BBS9: variants seen among roughly 807,000 people sequenced by gnomAD.
BBS9 encodes Bardet-Biedl syndrome 9.
A neutral mutation model predicts 117.7 loss-of-function variants in BBS9; 89 were observed. The observed-to-expected ratio is 0.76, with a 90% CI of 0.64 to 0.90. The LOEUF (loss-of-function observed/expected upper bound fraction) is 0.90, where lower values mean the gene tolerates loss of function less well. Among genes scored for constraint, BBS9 ranks in the 40% least tolerant of loss-of-function variants. BBS9 has a pLI of 0.00. For missense variants in BBS9, 982 were observed against 1,042.2 expected (o/e 0.94, Z 0.80); for synonymous variants, 379 against 370.9 (o/e 1.02, Z -0.25).
At chr7:33,148,309 C>G (rs1285863135) in intron 2 of BBS9, among the ~76,000 whole-genome samples, 1 of 152,014 alleles carries the variant, frequency 6.6e-6, no homozygotes, top group Non-Finnish European at 1.5e-5. Context: ...GGACTGTAAC[C>G]TGGAGAATAT....
chr7:33,493,825 A>T (rs929783861), intron 19 of BBS9, among the ~76,000 whole-genome samples: 1 of 152,314 alleles, frequency 6.6e-6, no homozygotes, highest in African/African-American at 2.4e-5. Flanking sequence ...TACCCTGTTC[A>T]TGCAGAGGAG....
intron 20 of BBS9, among the ~76,000 whole-genome samples, chr7:33,520,012 T>C (rs1440581506): frequency 7.9e-6 from 1 of 126,550 alleles, no homozygotes; most frequent in Non-Finnish European, 1.6e-5. Flanking sequence ...CTGAAATAGG[T>C]TTTTTTTTTT....
chr7:33,553,532 GTTA>G (rs1221409026), intron 21 of BBS9, among the ~76,000 whole-genome samples: 1 of 152,022 alleles, frequency 6.6e-6, no homozygotes, highest in Non-Finnish European at 1.5e-5. Flanking sequence ...GACTCTTCAT[GTTA>G]TTATATTAAC....
At chr7:33,424,588 TC>T (rs1833370614) in intron 19 of BBS9, among the ~76,000 whole-genome samples, 1 of 152,196 alleles carries the variant, frequency 6.6e-6, no homozygotes, top group Non-Finnish European at 1.5e-5. Flanking sequence ...TTAAAAAAGT[TC>T]CTGTTACCAG....
At chr7:33,611,490 ATAT>A (rs1262841463) in intron 21 of BBS9, among the ~76,000 whole-genome samples, 20 of 142,560 alleles carry the variant, frequency 1.4e-4, no homozygotes, top group Non-Finnish European at 2.6e-4. Context: ...TAATAATGTA[ATAT>A]TATATATAAG....
intron 21 of BBS9, among the ~76,000 whole-genome samples, chr7:33,581,048 C>A (rs1859790411): frequency 6.6e-6 from 1 of 151,468 alleles, no homozygotes; most frequent in Non-Finnish European, 1.5e-5. Context: ...CTACCACTTA[C>A]CGAAAGGTGT....
At chr7:33,168,962 C>G (rs980621779) in intron 4 of BBS9, among the ~76,000 whole-genome samples, 4 of 151,332 alleles carry the variant, frequency 2.6e-5, no homozygotes, top group African/African-American at 9.7e-5. Flanking sequence ...CCTCCCCGCT[C>G]CCCCCACCCC....
At chr7:33,444,075 T>A (rs1224837649) in intron 19 of BBS9, among the ~76,000 whole-genome samples, 1 of 152,216 alleles carries the variant, frequency 6.6e-6, no homozygotes, top group Non-Finnish European at 1.5e-5. Context: ...ATTTCAACTT[T>A]GCCTTTTGAA....
chr7:33,592,126 A>G (rs950192275), intron 21 of BBS9, among the ~76,000 whole-genome samples: 2 of 152,096 alleles, frequency 1.3e-5, no homozygotes, highest in Non-Finnish European at 2.9e-5. Context: ...TTAGAAAGTC[A>G]TATATAAATT....
chr7:33,574,737 A>G (rs1858487497), intron 21 of BBS9, among the ~76,000 whole-genome samples: 1 of 150,858 alleles, frequency 6.6e-6, no homozygotes, highest in South Asian at 2.1e-4. Context: ...GCGCACACAC[A>G]CACACTTTCA....
In BBS9 at chr7:33,308,888, G is replaced by A. The variant is rs148737280; in HGVS notation, c.1017-27553G>A. On this transcript the variant is annotated intron_variant, in intron 9 of 22. Coordinates refer to ENST00000242067, the MANE Select transcript of BBS9 (RefSeq NM_198428.3). ...CTATACACATATGAAAGAAAATGAAGCATTTTTAAAGCAACGTAAAAACAA... is the reference window on the plus strand; with the variant it reads ...CTATACACATATGAAAGAAAATGAAACATTTTTAAAGCAACGTAAAAACAA... Among the ~76,000 whole-genome samples the A allele has an allele frequency of 2.1e-3, 326 of 152,048 alleles. 3 individuals are homozygous for A. Among genetic ancestry groups the A allele is most frequent in the African/African-American group, 7.2e-3 (299 of 41,480 alleles).
intron 21 of BBS9, among the ~76,000 whole-genome samples, chr7:33,574,779 A>G (rs964215426): frequency 6.0e-5 from 9 of 151,062 alleles, no homozygotes; most frequent in Non-Finnish European, 2.9e-5. Flanking sequence ...GTTATGTGTA[A>G]ACTATATAGA....
chr7:33,457,100 G>C (rs1030710244), intron 19 of BBS9, among the ~76,000 whole-genome samples: 2 of 152,166 alleles, frequency 1.3e-5, no homozygotes, highest in African/African-American at 2.4e-5. Flanking sequence ...CTTTGGGAGA[G>C]AGATTAGGGT....
intron 19 of BBS9, among the ~76,000 whole-genome samples, chr7:33,459,780 T>A (rs998397953): frequency 6.6e-6 from 1 of 152,168 alleles, no homozygotes; most frequent in African/African-American, 2.4e-5. Context: ...TTATTGGCAC[T>A]TAGTTTTTTA....
At chr7:33,553,060 T>C (rs974061983) in intron 21 of BBS9, among the ~76,000 whole-genome samples, 4 of 152,294 alleles carry the variant, frequency 2.6e-5, no homozygotes, top group Admixed American at 2.6e-4. Flanking sequence ...CCTCTATCCA[T>C]TCCCAAACAT....
At chr7:33,403,237 C>T (rs1829245485) in intron 19 of BBS9, among the ~76,000 whole-genome samples, 1 of 150,974 alleles carries the variant, frequency 6.6e-6, no homozygotes, top group Admixed American at 6.6e-5. Flanking sequence ...TTTCAACTCA[C>T]ACCTCCCTCT....
In BBS9 at chr7:33,162,399, T is replaced by G. The variant is rs1382414770; in HGVS notation, c.328+6697T>G. Among the ~76,000 whole-genome samples the G allele has an allele frequency of 2.6e-5, 4 of 152,142 alleles. No individual in the cohort carries two copies. The East Asian group carries it at 7.7e-4, about 29-fold the overall frequency. On this transcript the variant is annotated intron_variant, in intron 4 of 22. Transcript: ENST00000242067. ...GGTTATATGCCATTGGTAATGGCAT[T>G]GAATCTATAAATTACCTTGGGCAGT...
At chr7:33,252,754 A>G (rs528256802) in intron 5 of BBS9, among the ~76,000 whole-genome samples, 19 of 152,220 alleles carry the variant, frequency 1.2e-4, no homozygotes, top group African/African-American at 4.3e-4. Flanking sequence ...TTTGGTTACC[A>G]TAATATCTTC....
intron 5 of BBS9, among the ~76,000 whole-genome samples, chr7:33,247,871 A>G (rs538118414): frequency 3.3e-5 from 5 of 152,230 alleles, no homozygotes; most frequent in African/African-American, 1.2e-4. Context: ...CTTCTTTTAA[A>G]CTCTAAAATT....
Sources: allele counts gnomAD v4.1 joint callset (sites outside exome capture counted in the v4.1 genomes callset), GRCh38; gene constraint gnomAD v4.1.1; transcripts MANE v1.5; gene names NCBI Gene and HGNC (gene_info 2026-07-23, HGNC 2026-07-21).